The following HSPBAP1 variants were observed in gnomAD, a reference collection of about 807,000 sequenced individuals.
HSPBAP1 encodes HSPB1 associated protein 1.
In HSPBAP1, 27 loss-of-function variants were observed where a neutral mutation model predicts 45.2. That is an observed-to-expected ratio of 0.60 (90% CI 0.44 to 0.82). The LOEUF is 0.82. HSPBAP1 is among the 40% of genes least tolerant of loss of function. HSPBAP1 has a pLI of 0.00. For missense variants in HSPBAP1, 510 were observed against 590.9 expected, an observed-to-expected ratio of 0.86 and a Z score of 1.42; for synonymous variants, 204 against 202.7, an observed-to-expected ratio of 1.01 and a Z score of -0.06.
intron 6 of HSPBAP1, among the ~76,000 whole-genome samples, chr3:122,747,706 G>T (rs1933950484): frequency 6.7e-6 from 1 of 149,922 alleles, no homozygotes; most frequent in African/African-American, 2.4e-5. Flanking sequence ...CGCCCCTACT[G>T]GGAAGTGAGG....
intron 1 of HSPBAP1, among the ~76,000 whole-genome samples, chr3:122,782,651 G>A (rs889820180): frequency 6.6e-6 from 1 of 152,108 alleles, no homozygotes; most frequent in African/African-American, 2.4e-5. Context: ...TATACTCTCT[G>A]ACCCTCAAAA....
intron 1 of HSPBAP1, among the ~76,000 whole-genome samples, chr3:122,778,218 G>GT (rs71621691): frequency 6.1e-5 from 5 of 82,636 alleles, no homozygotes; most frequent in Admixed American, 1.0e-4. Flanking sequence ...TTTTTTTGTT[G>GT]TTTTTTTTTT....
At chr3:122,755,474 C>A in intron 4 of HSPBAP1, 43 bp from the exon 5 acceptor site, 1 of 1,320,704 alleles carries the variant, frequency 7.6e-7, no homozygotes, top group South Asian at 1.7e-5. Flanking sequence ...AGTACTCTGA[C>A]CTTAAGACAA....
intron 1 of HSPBAP1, among the ~76,000 whole-genome samples, chr3:122,791,488 C>G (rs1311195288): frequency 6.6e-6 from 1 of 152,210 alleles, no homozygotes; most frequent in African/African-American, 2.4e-5. Flanking sequence ...CAGCTGGGCA[C>G]ATGGTAGAGA....
chr3:122,779,469 G>C (rs535728470), intron 1 of HSPBAP1, among the ~76,000 whole-genome samples: 2 of 140,752 alleles, frequency 1.4e-5, no homozygotes, highest in African/African-American at 5.1e-5. Flanking sequence ...TTCTCTGCCC[G>C]TTAAACTCTT....
chr3:122,759,774 G>A (rs1470640248), intron 3 of HSPBAP1, among the ~76,000 whole-genome samples: 1 of 152,172 alleles, frequency 6.6e-6, no homozygotes. Flanking sequence ...CAGCGGAAAT[G>A]GCATTATTTC....
intron 3 of HSPBAP1, among the ~76,000 whole-genome samples, chr3:122,765,906 C>T (rs1338491993): frequency 2.0e-5 from 3 of 152,156 alleles, no homozygotes; most frequent in Admixed American, 1.3e-4. Flanking sequence ...AACTACCCCT[C>T]ATCAAGTTTG....
At chr3:122,758,771 C>T (rs1424925512) in intron 4 of HSPBAP1, 5 of 454,976 alleles carry the variant, frequency 1.1e-5, no homozygotes, top group Middle Eastern at 3.9e-4. Context: ...CTGGCACACA[C>T]CTGTAGTCCT....
chr3:122,764,299 C>T (rs1934698966), intron 3 of HSPBAP1, among the ~76,000 whole-genome samples: 1 of 152,126 alleles, frequency 6.6e-6, no homozygotes, highest in Admixed American at 6.5e-5. Flanking sequence ...CTTTAGGACC[C>T]CTCAGAGAAT....
At chr3:122,747,992 T>A (rs1480818726) in intron 6 of HSPBAP1, among the ~76,000 whole-genome samples, 11 of 152,300 alleles carry the variant, frequency 7.2e-5, no homozygotes, top group African/African-American at 2.2e-4. Context: ...CGTGTCTGTG[T>A]AGAAAGAAGT....
intron 3 of HSPBAP1, among the ~76,000 whole-genome samples, chr3:122,761,376 A>G (rs1307542462): frequency 6.7e-6 from 1 of 149,948 alleles, no homozygotes; most frequent in African/African-American, 2.5e-5. Context: ...CCTGCTTTGG[A>G]AAGAATCACT....
intron 1 of HSPBAP1, among the ~76,000 whole-genome samples, chr3:122,779,634 C>T (rs1935337571): frequency 6.6e-6 from 1 of 150,798 alleles, no homozygotes; most frequent in South Asian, 2.1e-4. Flanking sequence ...CTCTGGTTTT[C>T]CTAGGCAGAG....
Position 122,752,626 on chromosome 3 carries a change from G to T in HSPBAP1, c.790C>A (p.Pro264Thr). ...HWWHYVESID[P>T]VTVSINSWIE... ...CATGAGTTTATACTGACAGTGACAG[G>T]ATCAATGGATTCTACGTAATGCCAC... Residue 264 changes from proline (P) to threonine (T), a missense_variant, in exon 6 of 8, where the codon CCT (proline) becomes ACT (threonine). Pro to Thr is a conservative substitution (Grantham distance 38, BLOSUM62 -1). Coordinates refer to ENST00000306103, the MANE Select transcript of HSPBAP1 (RefSeq NM_024610.6). The T allele has an allele frequency of 1.2e-6, 2 of 1,605,060 alleles. No homozygotes were observed. The highest frequency in any genetic ancestry group is 2.3e-5 in the South Asian group (2 of 88,846).
chr3:122,775,502 G>A (rs1028174439), intron 2 of HSPBAP1, among the ~76,000 whole-genome samples: 1 of 151,820 alleles, frequency 6.6e-6, no homozygotes, highest in Non-Finnish European at 1.5e-5. Flanking sequence ...TTTTAGTAGA[G>A]ACGGGGTTTC....
intron 1 of HSPBAP1, among the ~76,000 whole-genome samples, chr3:122,789,646 G>C (rs760799678): frequency 6.6e-6 from 1 of 152,158 alleles, no homozygotes; most frequent in Non-Finnish European, 1.5e-5. Context: ...TCAAATAACT[G>C]TATAAGAATA....
chr3:122,762,364 C>G (rs1286364335), intron 3 of HSPBAP1, among the ~76,000 whole-genome samples: 4 of 152,046 alleles, frequency 2.6e-5, no homozygotes, highest in Non-Finnish European at 5.9e-5. Context: ...AGCCCTAAAG[C>G]CTGGCTCCCA....
At chr3:122,776,724 TGATTATAATGA>T (rs1481642319) in intron 2 of HSPBAP1, among the ~76,000 whole-genome samples, 3 of 152,332 alleles carry the variant, frequency 2.0e-5, no homozygotes, top group African/African-American at 7.2e-5. Flanking sequence ...GTTTGGTCTC[TGATTATAATGA>T]GATGACAAAG....
chr3:122,747,667 CCGGGAGG>C (rs1404231947), intron 6 of HSPBAP1, among the ~76,000 whole-genome samples: 1 of 145,716 alleles, frequency 6.9e-6, no homozygotes, highest in East Asian at 2.1e-4. Context: ...GCCGCCCCGT[CCGGGAGG>C]TGAGGGGCGC....
intron 1 of HSPBAP1, among the ~76,000 whole-genome samples, chr3:122,789,197 G>T (rs530992582): frequency 6.6e-6 from 1 of 152,292 alleles, no homozygotes; most frequent in South Asian, 2.1e-4. Flanking sequence ...AGTTATGTAG[G>T]AATGTTAGTT....
Sources: allele counts gnomAD v4.1 joint callset (sites outside exome capture counted in the v4.1 genomes callset), GRCh38; gene constraint gnomAD v4.1.1; transcripts MANE v1.5; gene names NCBI Gene and HGNC (gene_info 2026-07-23, HGNC 2026-07-21).